The following FAP variants were observed in gnomAD, a reference collection of about 807,000 sequenced individuals.
FAP encodes the protein fibroblast activation protein alpha.
Under a neutral mutation model 126.5 loss-of-function variants are expected in FAP, and 110 were observed. The ratio of observed to expected loss-of-function variants is 0.87; its 90% CI spans 0.74 to 1.02. The LOEUF (loss-of-function observed/expected upper bound fraction) is 1.02, where lower values mean the gene tolerates loss of function less well. Ranked by LOEUF, FAP falls within the 50% of genes least tolerant of loss-of-function variation. FAP has a pLI of 0.00. For synonymous variants in FAP, 334 were observed against 297.3 expected (o/e 1.12, Z -1.27); for missense variants, 919 against 909.2 (o/e 1.01, Z -0.14).
At chr2:162,230,429 C>T (rs2106293983) in intron 2 of FAP, among the ~76,000 whole-genome samples, 1 of 151,718 alleles carries the variant, frequency 6.6e-6, no homozygotes, top group South Asian at 2.1e-4. Flanking sequence ...GGTCTCCACC[C>T]ATAAAAGTAG....
At chr2:162,241,420 T>C (rs1304779890) in intron 2 of FAP, among the ~76,000 whole-genome samples, 1 of 152,236 alleles carries the variant, frequency 6.6e-6, no homozygotes, top group East Asian at 1.9e-4. Flanking sequence ...ACATCATTTG[T>C]AAATATGTAA....
In FAP at chr2:162,202,927, T is replaced by G. The variant is rs756210787; in HGVS notation, c.1168A>C (p.Ile390Leu). ...IKDTVENAIQ[I>L]TSGKWEAINI... Reference sequence around the variant, plus strand: ...ATGGCCTCCCACTTGCCACTTGTAATTTGAATAGCATTTTCCTATAAAAAG... The same window carrying G: ...ATGGCCTCCCACTTGCCACTTGTAAGTTGAATAGCATTTTCCTATAAAAAG... Residue 390 changes from isoleucine to leucine, a missense_variant, in exon 14 of 26, where the codon ATT (isoleucine) becomes CTT (leucine). Coordinates refer to ENST00000188790, the MANE Select transcript of FAP (RefSeq NM_004460.5). 6.2e-7 allele frequency: 1 copy of G among 1,613,736 alleles called. No individual in the cohort carries two copies. Among genetic ancestry groups the G allele is most frequent in the Non-Finnish European group, 8.5e-7 (1 of 1,179,658 alleles).
rs1687352343 is a variant in FAP, at chr2:162,172,654, G to C, written c.2181+157C>G. ...TGCCTCGGGTCCTTCAGTAGTTAAA[G>C]AAAGATCCAAGATTCATTTGCTAAT... On this transcript the variant is annotated intron_variant, in intron 25 of 25. Transcript: ENST00000188790. 1.0e-5 allele frequency: 6 copies of C among 584,048 alleles called. No individual in the cohort carries two copies. In the East Asian group the frequency reaches 1.7e-4, roughly 16 times the overall value. The allele number at this position is 584,048 out of a possible 1,614,324, so 36.2% of individuals were successfully genotyped here.
At chr2:162,237,668 G>A (rs1218064538) in intron 2 of FAP, among the ~76,000 whole-genome samples, 2 of 152,178 alleles carry the variant, frequency 1.3e-5, no homozygotes, top group South Asian at 2.1e-4. Context: ...ACATACATGT[G>A]CATGTGTCTT....
intron 21 of FAP, chr2:162,176,295 G>T (rs929808148): frequency 6.6e-6 from 1 of 152,140 alleles, no homozygotes; most frequent in Non-Finnish European, 1.5e-5. Context: ...GTTAAATGAA[G>T]AATTCTCAAA....
At position 162,170,836 on chromosome 2, in the gene FAP, C is replaced by G; in HGVS notation, c.*143G>C. 1.7e-6 allele frequency: 1 copy of G among 605,134 alleles called. No homozygotes were observed. Among genetic ancestry groups the G allele is most frequent in the Non-Finnish European group, 2.9e-6 (1 of 348,384 alleles). 37.5% of individuals were successfully genotyped at this position (605,134 alleles called of 1,614,324 possible). Reference sequence around the variant, plus strand: ...TTAGCTTGAACTTCTGAGTCCTCATCTTTTTTTTAACAGCCTTTAGAACAA... The same window carrying G: ...TTAGCTTGAACTTCTGAGTCCTCATGTTTTTTTTAACAGCCTTTAGAACAA... On this transcript the variant is annotated 3_prime_UTR_variant, in exon 26 of 26. Coordinates refer to ENST00000188790, the MANE Select transcript of FAP (RefSeq NM_004460.5).
At chr2:162,196,792 C>A (rs745314873) in intron 16 of FAP, among the ~76,000 whole-genome samples, 1 of 152,100 alleles carries the variant, frequency 6.6e-6, no homozygotes, top group Non-Finnish European at 1.5e-5. Context: ...CCTATGATGG[C>A]GCAGTGACTC....
intron 17 of FAP, chr2:162,193,597 T>C (rs1688132878): frequency 2.0e-5 from 3 of 152,138 alleles, no homozygotes; most frequent in South Asian, 2.1e-4. Context: ...CCTTGTCGAC[T>C]TGAAATCAAT....
At chr2:162,206,974 G>T (rs1688724859) in intron 12 of FAP, among the ~76,000 whole-genome samples, 1 of 151,976 alleles carries the variant, frequency 6.6e-6, no homozygotes, top group Non-Finnish European at 1.5e-5. Flanking sequence ...AAATATCTCT[G>T]ACAAACTCAA....
Position 162,183,423 on chromosome 2 carries a change from T to C in FAP, c.1860A>G (p.Ile620Met), listed in dbSNP as rs1258832838. 1.2e-6 allele frequency: 2 copies of C among 1,609,108 alleles called. No individual in the cohort carries two copies. The highest frequency in any genetic ancestry group is 2.2e-5 in the East Asian group (1 of 44,720). Residue 620 changes from isoleucine to methionine, a missense_variant, in exon 21 of 26, where the codon ATA becomes ATG. Coordinates refer to ENST00000188790, the MANE Select transcript of FAP (RefSeq NM_004460.5). ...ATATAAAACAACTCACCCAGCCCCA[T>C]ATGGCTATTCTTTTTTCATCAATGA... The part of the protein sequence containing the change: ...MGFIDEKRIA[I>M]WGWSYGGYVS...
At chr2:162,223,122 TA>T (rs1167388841) in intron 6 of FAP, among the ~76,000 whole-genome samples, 1 of 152,210 alleles carries the variant, frequency 6.6e-6, no homozygotes, top group African/African-American at 2.4e-5. Flanking sequence ...ACACGTCAGA[TA>T]TTTTTCTATT....
intron 21 of FAP, among the ~76,000 whole-genome samples, chr2:162,182,426 G>T (rs932187124): frequency 6.6e-6 from 1 of 152,116 alleles, no homozygotes; most frequent in Non-Finnish European, 1.5e-5. Flanking sequence ...CTACTCATTT[G>T]AATTTCATTC....
Position 162,170,888 on chromosome 2 carries a change from T to G in FAP, c.*91A>C, listed in dbSNP as rs1687280219. 1 of 969,012 alleles carries G rather than the reference T, an allele frequency of 1.0e-6. No homozygotes were observed. The highest frequency in any genetic ancestry group is 1.6e-6 in the Non-Finnish European group (1 of 624,446). The allele number at this position is 969,012 out of a possible 1,614,324, so 60.0% of individuals were successfully genotyped here. A position where few individuals can be genotyped will look rare whatever the true frequency, so the allele number is the denominator to read the frequency against. On this transcript the variant is annotated 3_prime_UTR_variant, in exon 26 of 26. Transcript: ENST00000188790. Reference sequence around the variant, plus strand: ...ATTAATTTGTTTGTTTATACTAGCATTTTACAACATAAAAAATAAAATAAG... The same window carrying G: ...ATTAATTTGTTTGTTTATACTAGCAGTTTACAACATAAAAAATAAAATAAG...
intron 22 of FAP, 51 bp from the exon 23 acceptor site, chr2:162,173,838 C>A (rs1262295654): frequency 8.6e-7 from 1 of 1,163,220 alleles, no homozygotes; most frequent in South Asian, 1.3e-5. Context: ...AATGTCATTT[C>A]ATTAACCAAC....
intron 12 of FAP, among the ~76,000 whole-genome samples, chr2:162,207,301 A>C (rs2106256152): frequency 6.6e-6 from 1 of 152,272 alleles, no homozygotes; most frequent in South Asian, 2.1e-4. Flanking sequence ...GTGTAAACTG[A>C]CTCTTGAAAA....
intron 21 of FAP, among the ~76,000 whole-genome samples, chr2:162,181,335 A>G (rs1246241170): frequency 6.6e-6 from 1 of 152,126 alleles, no homozygotes; most frequent in Non-Finnish European, 1.5e-5. Flanking sequence ...GAATGAAGAG[A>G]AAGGTGTCAC....
chr2:162,234,665 G>T (rs2106299886), intron 2 of FAP, among the ~76,000 whole-genome samples: 1 of 152,312 alleles, frequency 6.6e-6, no homozygotes, highest in East Asian at 1.9e-4. Flanking sequence ...GATCTTAGCA[G>T]GAAAACAGTG....
intron 4 of FAP, among the ~76,000 whole-genome samples, chr2:162,225,087 A>G (rs1333686704): frequency 6.6e-6 from 1 of 152,168 alleles, no homozygotes. Flanking sequence ...TAATTCTTTT[A>G]TTAACCAAAA....
At chr2:162,241,605 G>A (rs1345136360) in intron 2 of FAP, among the ~76,000 whole-genome samples, 4 of 152,068 alleles carry the variant, frequency 2.6e-5, no homozygotes, top group African/African-American at 9.7e-5. Context: ...AAAATCAGGA[G>A]CTAATTTTTA....
Sources: gnomAD v4.1 joint callset for allele counts (sites outside exome capture counted in the v4.1 genomes callset) on GRCh38, gnomAD v4.1.1 for gene constraint, MANE v1.5 for transcripts, NCBI Gene and HGNC (gene_info 2026-07-23, HGNC 2026-07-21) for gene names.